Variants in TSHR observed in about 807,000 individuals in gnomAD.
TSHR encodes thyrotropin receptor.
Under a neutral mutation model 64.1 loss-of-function variants are expected in TSHR, and 51 were observed. That is an observed-to-expected ratio of 0.80 (90% confidence interval 0.64 to 1.01). The LOEUF is 1.01. TSHR is among the 50% of genes least tolerant of loss of function. TSHR has a pLI of 0.00. For missense variants in TSHR, 877 were observed against 942.8 expected (o/e 0.93, Z 0.91); for synonymous variants, 361 against 361.9 (o/e 1.00, Z 0.03).
At chr14:81,000,042 C>T (rs1417729861) in intron 1 of TSHR, among the ~76,000 whole-genome samples, 1 of 150,658 alleles carries the variant, frequency 6.6e-6, no homozygotes, top group East Asian at 2.0e-4. Context: ...AGCGATTCTC[C>T]AGCCTCAGAC....
At chr14:81,129,852 G>A (rs1028098215) in intron 8 of TSHR, among the ~76,000 whole-genome samples, 2 of 152,150 alleles carry the variant, frequency 1.3e-5, no homozygotes, top group Non-Finnish European at 2.9e-5. Context: ...AAAAACTCAA[G>A]GACATTGCTT....
At position 81,143,615 on chromosome 14, in the gene TSHR, C is replaced by T. The variant is rs748751037; in HGVS notation, c.1557C>T (p.Arg519=). The change falls in exon 10 of 10, where the codon CGC becomes CGT. Residue 519 remains arginine, a synonymous_variant. Coordinates refer to ENST00000298171, the MANE Select transcript of TSHR (RefSeq NM_000369.5). The stretch of plus-strand genomic sequence containing the variant: ...CGCTGACGGTCATCACCCTGGAGCG[C>T]TGGTATGCCATCACCTTCGCCATGC... ...VYTLTVITLE[R]WYAITFAMRL... 6.2e-7 allele frequency: 1 copy of T among 1,613,838 alleles called. No homozygotes were observed.
At chr14:81,020,486 A>C (rs1268752619) in intron 1 of TSHR, among the ~76,000 whole-genome samples, 4 of 152,214 alleles carry the variant, frequency 2.6e-5, no homozygotes, top group Non-Finnish European at 4.4e-5. Flanking sequence ...CCTATTGTGA[A>C]CTGCACATGC....
chr14:81,016,479 T>G (rs1173548399), intron 1 of TSHR, among the ~76,000 whole-genome samples: 1 of 152,182 alleles, frequency 6.6e-6, no homozygotes, highest in Non-Finnish European at 1.5e-5. Context: ...TTATTTGTTT[T>G]CTTGCTATTG....
At chr14:81,020,448 G>A (rs529206710) in intron 1 of TSHR, among the ~76,000 whole-genome samples, 1 of 152,216 alleles carries the variant, frequency 6.6e-6, no homozygotes, top group South Asian at 2.1e-4. Context: ...GATCAGCAGT[G>A]GCATTAGATT....
chr14:81,059,696 G>C (rs917528861), intron 1 of TSHR, among the ~76,000 whole-genome samples: 1 of 152,118 alleles, frequency 6.6e-6, no homozygotes, highest in Non-Finnish European at 1.5e-5. Flanking sequence ...TACTAAGACA[G>C]ATGCTCTGAG....
intron 1 of TSHR, among the ~76,000 whole-genome samples, chr14:80,999,303 T>C (rs950760974): frequency 6.6e-6 from 1 of 152,208 alleles, no homozygotes; most frequent in African/African-American, 2.4e-5. Flanking sequence ...AGAGCCATCA[T>C]GGACCAAATC....
intron 1 of TSHR, among the ~76,000 whole-genome samples, chr14:80,978,887 A>G (rs1252815182): frequency 1.3e-5 from 2 of 152,154 alleles, no homozygotes; most frequent in Non-Finnish European, 2.9e-5. Flanking sequence ...CTCATGCCAC[A>G]CTTCTCCAGC....
chr14:81,033,227 G>C, intron 1 of TSHR: 2 of 469,570 alleles, frequency 4.3e-6, no homozygotes, highest in East Asian at 1.2e-4. Flanking sequence ...AGAGCCCTCA[G>C]AAGGGGCCAG....
intron 1 of TSHR, 107 bp downstream of exon 1, chr14:80,955,957 A>T (rs1428862456): frequency 3.7e-6 from 5 of 1,366,784 alleles, no homozygotes; most frequent in Non-Finnish European, 4.1e-6. Context: ...GTAGTGTGTG[A>T]GTGTGTGTAT....
chr14:81,095,029 T>C (rs1049647888), intron 6 of TSHR, among the ~76,000 whole-genome samples: 31 of 152,306 alleles, frequency 2.0e-4, no homozygotes, highest in African/African-American at 4.6e-4. Flanking sequence ...ATTTGAACTT[T>C]CCTGTGTGCT....
chr14:80,961,536 G>A (rs1887030185), intron 1 of TSHR, among the ~76,000 whole-genome samples: 1 of 152,106 alleles, frequency 6.6e-6, no homozygotes, highest in African/African-American at 2.4e-5. Context: ...AAAGCTGAAG[G>A]GGTTTGATTT....
chr14:80,981,430 A>G (rs1228809607), intron 1 of TSHR, among the ~76,000 whole-genome samples: 2 of 152,126 alleles, frequency 1.3e-5, no homozygotes, highest in Admixed American at 1.3e-4. Flanking sequence ...CCAAGTGAGG[A>G]GCAGCCAGAG....
At chr14:80,998,801 T>C (rs1479352181) in intron 1 of TSHR, among the ~76,000 whole-genome samples, 1 of 152,150 alleles carries the variant, frequency 6.6e-6, no homozygotes, top group African/African-American at 2.4e-5. Context: ...CTTTTCCTCT[T>C]CTGGGCTATA....
intron 1 of TSHR, among the ~76,000 whole-genome samples, chr14:80,999,746 T>C (rs963322298): frequency 5.4e-4 from 82 of 152,142 alleles, no homozygotes; most frequent in Admixed American, 5.4e-3. Flanking sequence ...TGCCATGCTG[T>C]TGAGTCAAAA....
At chr14:81,062,280 T>A in intron 2 of TSHR, 61 bp downstream of exon 2, 1 of 1,300,034 alleles carries the variant, frequency 7.7e-7, no homozygotes, top group Non-Finnish European at 1.1e-6. Flanking sequence ...CTAAACGTGT[T>A]CTATCAAGAA....
intron 1 of TSHR, among the ~76,000 whole-genome samples, chr14:80,975,848 A>C (rs557662054): frequency 2.6e-5 from 4 of 151,968 alleles, no homozygotes; most frequent in Admixed American, 6.5e-5. Context: ...CTGCTGTTGC[A>C]TAATGGGGAG....
chr14:80,986,440 C>T (rs553016043), intron 1 of TSHR, among the ~76,000 whole-genome samples: 1 of 152,238 alleles, frequency 6.6e-6, no homozygotes, highest in East Asian at 1.9e-4. Context: ...ACGTAGCTAA[C>T]TCACTGTATA....
intron 1 of TSHR, among the ~76,000 whole-genome samples, chr14:81,054,669 C>T (rs992243415): frequency 6.6e-6 from 1 of 152,098 alleles, no homozygotes; most frequent in Non-Finnish European, 1.5e-5. Context: ...AAGAGACTGG[C>T]AGCATTTTGC....
Sources: gnomAD v4.1 joint callset for allele counts (sites outside exome capture counted in the v4.1 genomes callset) on GRCh38, gnomAD v4.1.1 for gene constraint, MANE v1.5 for transcripts, NCBI Gene and HGNC (gene_info 2026-07-23, HGNC 2026-07-21) for gene names.